The following RAD54B variants were observed in gnomAD, a reference collection of about 807,000 sequenced individuals.
RAD54B encodes RAD54 homolog B.
RAD54B carries 78 observed loss-of-function variants against 95.8 expected under a neutral mutation model. The ratio of observed to expected loss-of-function variants is 0.81; its 90% CI spans 0.68 to 0.98. RAD54B has a LOEUF of 0.98. Among genes scored for constraint, RAD54B ranks in the 50% least tolerant of loss-of-function variants. RAD54B has a pLI of 0.00. For missense variants in RAD54B, 957 were observed against 1,056.6 expected (o/e 0.91, Z 1.31); for synonymous variants, 328 against 354.9 (o/e 0.92, Z 0.85).
Position 94,380,920 on chromosome 8 carries a change from T to A in RAD54B, c.1986-514A>T, listed in dbSNP as rs188354771. On this transcript the variant is annotated intron_variant, in intron 11 of 14. Coordinates refer to ENST00000336148, the MANE Select transcript of RAD54B (RefSeq NM_012415.3). Reference sequence around the variant, plus strand: ...CCAGGCCCTGCTCCCATGTGATCAGTTGACTTTTCTTTCCCAAATAAAGTA... The same window carrying A: ...CCAGGCCCTGCTCCCATGTGATCAGATGACTTTTCTTTCCCAAATAAAGTA... Among the ~76,000 whole-genome samples, 77 of 152,282 alleles carry A rather than the reference T, an allele frequency of 5.1e-4. 2 individuals carry two copies. In the East Asian group the frequency reaches 9.3e-3, roughly 18 times the overall value.
chr8:94,372,723 T>C (rs1810470892), intron 14 of RAD54B, among the ~76,000 whole-genome samples: 1 of 152,166 alleles, frequency 6.6e-6, no homozygotes, highest in Non-Finnish European at 1.5e-5. Flanking sequence ...GGGCCACGTT[T>C]ACAAATTCAG....
At chr8:94,379,336 A>C (rs1810677616) in intron 12 of RAD54B, among the ~76,000 whole-genome samples, 1 of 152,322 alleles carries the variant, frequency 6.6e-6, no homozygotes, top group Non-Finnish European at 1.5e-5. Flanking sequence ...AACTGACCCC[A>C]AACAAAATTC....
In RAD54B at chr8:94,432,163, G is replaced by A. The variant is rs1241879809; in HGVS notation, c.305-20848C>T. 32 of 1,549,672 alleles carry A rather than the reference G, an allele frequency of 2.1e-5. 1 individual carries two copies. The highest frequency in any genetic ancestry group is 1.3e-4 in the South Asian group (11 of 84,008). ...CTGTTATATTCAGGTAGATCATGCC[G>A]TAAGCGAATTGCTTTCAGCTTCTCC... On this transcript the variant is annotated intron_variant, in intron 3 of 14. Transcript: ENST00000336148.
intron 3 of RAD54B, chr8:94,436,616 G>C: frequency 6.4e-7 from 1 of 1,550,454 alleles, no homozygotes; most frequent in Non-Finnish European, 8.7e-7. Context: ...TCTTTTTGCT[G>C]CAATAGCTCC....
Position 94,415,491 on chromosome 8 carries a change from G to A in RAD54B, c.305-4176C>T, listed in dbSNP as rs1476843021. 2.0e-5 allele frequency among the ~76,000 whole-genome samples: 3 copies of A among 147,446 alleles called. No homozygotes were observed. In the Admixed American group the frequency reaches 2.1e-4, roughly 10 times the overall value. On this transcript the variant is annotated intron_variant, in intron 3 of 14. Coordinates refer to ENST00000336148, the MANE Select transcript of RAD54B (RefSeq NM_012415.3). ...TCATGTCTAAAACACCAAAAGCAATGGCAACAAAAGCCAAAATTGACAAAT... is the reference window on the plus strand; with the variant it reads ...TCATGTCTAAAACACCAAAAGCAATAGCAACAAAAGCCAAAATTGACAAAT...
chr8:94,406,815 G>A (rs771843691), intron 5 of RAD54B, among the ~76,000 whole-genome samples: 1 of 152,092 alleles, frequency 6.6e-6, no homozygotes, highest in Non-Finnish European at 1.5e-5. Context: ...GAGAAGCTCT[G>A]TGATGACAGT....
At chr8:94,439,857 C>A (rs551218981) in intron 3 of RAD54B, among the ~76,000 whole-genome samples, 1 of 152,232 alleles carries the variant, frequency 6.6e-6, no homozygotes, top group East Asian at 1.9e-4. Flanking sequence ...TAGCAGACTT[C>A]AGAGAGAACA....
intron 14 of RAD54B, among the ~76,000 whole-genome samples, chr8:94,372,606 G>A (rs1810468174): frequency 6.6e-6 from 1 of 152,146 alleles, no homozygotes; most frequent in African/African-American, 2.4e-5. Flanking sequence ...CACAGGCATG[G>A]TCTCTGACTT....
chr8:94,432,583 T>A, intron 3 of RAD54B: 1 of 1,550,214 alleles, frequency 6.5e-7, no homozygotes, highest in Non-Finnish European at 8.7e-7. Context: ...TCCACTGTAA[T>A]AGCAACAGGA....
chr8:94,472,958 ACT>A (rs60918252), intron 1 of RAD54B, among the ~76,000 whole-genome samples: 14,440 of 152,068 alleles, frequency 0.095, 1,136 homozygotes, highest in East Asian at 0.33. Flanking sequence ...AAACAGACTG[ACT>A]CTGGAGCCAG....
intron 3 of RAD54B, among the ~76,000 whole-genome samples, chr8:94,418,831 A>C (rs1811733662): frequency 6.6e-6 from 1 of 152,210 alleles, no homozygotes; most frequent in African/African-American, 2.4e-5. Context: ...AGTGACAGAC[A>C]GTTGAGTTTT....
At chr8:94,455,207 A>C (rs1354237839) in intron 3 of RAD54B, among the ~76,000 whole-genome samples, 1 of 152,176 alleles carries the variant, frequency 6.6e-6, no homozygotes, top group Non-Finnish European at 1.5e-5. Context: ...TTGTGAAATT[A>C]TTCTCTCAAA....
chr8:94,422,651 T>TATATATATATATATAAAA (rs556821145), intron 3 of RAD54B, among the ~76,000 whole-genome samples: 24 of 88,878 alleles, frequency 2.7e-4, no homozygotes, highest in Non-Finnish European at 4.8e-4. Context: ...TATATATATA[T>TATATATATATATATAAAA]ATAAAATTAT....
At chr8:94,381,123 CT>C (rs1382239064) in intron 11 of RAD54B, among the ~76,000 whole-genome samples, 1 of 113,446 alleles carries the variant, frequency 8.8e-6, no homozygotes. Flanking sequence ...AAGGCCCTGT[CT>C]TTTAAAAAAA....
intron 3 of RAD54B, among the ~76,000 whole-genome samples, chr8:94,422,671 A>C (rs1370884190): frequency 2.4e-5 from 3 of 123,492 alleles, no homozygotes; most frequent in Admixed American, 1.8e-4. Flanking sequence ...TCAGTGTTAC[A>C]GCTCTTTCAG....
At chr8:94,396,383 C>T (rs1811145813) in intron 8 of RAD54B, among the ~76,000 whole-genome samples, 2 of 144,788 alleles carry the variant, frequency 1.4e-5, no homozygotes, top group African/African-American at 5.5e-5. Flanking sequence ...CCACCCTATC[C>T]CTACAAAAAA....
At chr8:94,414,182 C>T (rs1811598166) in intron 3 of RAD54B, among the ~76,000 whole-genome samples, 2 of 152,150 alleles carry the variant, frequency 1.3e-5, no homozygotes, top group Non-Finnish European at 1.5e-5. Flanking sequence ...ATTTTATATC[C>T]TGAGACTTTC....
intron 12 of RAD54B, among the ~76,000 whole-genome samples, chr8:94,379,287 T>C (rs1376586206): frequency 6.6e-6 from 1 of 152,186 alleles, no homozygotes; most frequent in Non-Finnish European, 1.5e-5. Context: ...TAAAGACTGA[T>C]TAACTAAGGT....
At chr8:94,435,599 T>C (rs1172625161) in intron 3 of RAD54B, among the ~76,000 whole-genome samples, 4 of 152,136 alleles carry the variant, frequency 2.6e-5, no homozygotes, top group East Asian at 1.9e-4. Flanking sequence ...GCCATTTTTA[T>C]ATTTTGCCAG....
Sources: allele counts gnomAD v4.1 joint callset (sites outside exome capture counted in the v4.1 genomes callset), GRCh38; gene constraint gnomAD v4.1.1; transcripts MANE v1.5; gene names NCBI Gene and HGNC (gene_info 2026-07-23, HGNC 2026-07-21).